Variants in SLC6A13 observed in about 807,000 individuals in gnomAD.
SLC6A13 encodes sodium- and chloride-dependent GABA transporter 2.
A neutral mutation model predicts 72.9 loss-of-function variants in SLC6A13; 69 were observed. The observed-to-expected ratio is 0.95, with a 90% confidence interval of 0.78 to 1.16. The LOEUF (loss-of-function observed/expected upper bound fraction) is 1.16. Ranked by LOEUF, SLC6A13 falls within the 50% of genes most tolerant of loss-of-function variation. SLC6A13 has a pLI of 0.00. For missense variants in SLC6A13, 735 were observed against 760.5 expected (o/e 0.97, Z 0.39); for synonymous variants, 303 against 303.0 (o/e 1.00, Z 0.00).
chr12:233,821 C>T (rs569157551), intron 7 of SLC6A13, among the ~76,000 whole-genome samples: 1 of 152,264 alleles, frequency 6.6e-6, no homozygotes, highest in African/African-American at 2.4e-5. Context: ...GGGACAGTGT[C>T]AGACACCTTA....
Position 223,217 on chromosome 12 carries a change from G to T in SLC6A13, c.1329C>A (p.Phe443Leu). The change falls in exon 12 of 15, where the codon TTC becomes TTA. Residue 443 changes from phenylalanine (F) to leucine (L), a missense_variant. By Grantham distance (22) the Phe-to-Leu change is conservative (BLOSUM62 0). Coordinates refer to ENST00000343164, the MANE Select transcript of SLC6A13 (RefSeq NM_016615.5). ...TGGCCGCATAGTAGTCAAAGAGCTG[G>T]AACACGTACATTCCGCCCTGCATGG... ...IMLTEGGMYV[F>L]QLFDYYAASG... 1 of 1,612,152 alleles carries T rather than the reference G, an allele frequency of 6.2e-7. No individual in the cohort carries two copies. The highest frequency in any genetic ancestry group is 1.1e-5 in the South Asian group (1 of 90,892).
Position 259,984 on chromosome 12 carries a change from C to T in SLC6A13, c.69G>A (p.Lys23=), listed in dbSNP as rs1236955931. 8 of 1,614,114 alleles carry T rather than the reference C, an allele frequency of 5.0e-6. No individual in the cohort carries two copies. The highest frequency in any genetic ancestry group is 6.8e-6 in the Non-Finnish European group (8 of 1,180,038). ...GCTCCAGGGTGCCATCTTCCTCCTT[C>T]TTTTCCATGACTGGATACACTGGTT... ...ETKPVYPVME[K]KEEDGTLERG... Residue 23 remains lysine, a synonymous_variant, in exon 2 of 15, where the codon AAG becomes AAA. Coordinates refer to ENST00000343164, the MANE Select transcript of SLC6A13 (RefSeq NM_016615.5).
Position 224,486 on chromosome 12 carries a change from G to C in SLC6A13, c.1088C>G (p.Pro363Arg), listed in dbSNP as rs143010356. Residue 363 changes from proline (P) to arginine (R), a missense_variant, in exon 10 of 15, where the codon CCG (proline) becomes CGG (arginine). By Grantham distance (103) the Pro-to-Arg change is moderately radical (BLOSUM62 -2). Coordinates refer to ENST00000343164, the MANE Select transcript of SLC6A13 (RefSeq NM_016615.5). ...GAAGGGCAGCATCACCACAGCCCGCGGGTAAGCGATGAAAGCCAGGCCAGG... is the reference window on the plus strand; with the variant it reads ...GAAGGGCAGCATCACCACAGCCCGCCGGTAAGCGATGAAAGCCAGGCCAGG... ...SGPGLAFIAY[P>R]RAVVMLPFSP... The C allele has an allele frequency of 3.1e-6, 5 of 1,614,112 alleles. No individual in the cohort carries two copies. Among genetic ancestry groups the C allele is most frequent in the East Asian group, 2.2e-5 (1 of 44,876 alleles).
chr12:235,551 ATCACC>A (rs1302754641), intron 6 of SLC6A13, among the ~76,000 whole-genome samples: 1 of 152,052 alleles, frequency 6.6e-6, no homozygotes, highest in Non-Finnish European at 1.5e-5. Context: ...GAGGATGTAC[ATCACC>A]TCACCTCAAG....
At position 227,668 on chromosome 12, in the gene SLC6A13, C is replaced by T; in HGVS notation, c.832G>A (p.Val278Met). 6.3e-7 allele frequency: 1 copy of T among 1,599,572 alleles called. No individual in the cohort carries two copies. The highest frequency in any genetic ancestry group is 1.1e-5 in the South Asian group (1 of 88,996). Residue 278 changes from valine to methionine, a missense_variant and splice_region_variant, in exon 8 of 15, where the codon GTG becomes ATG. Physicochemically the swap from Val to Met is conservative, Grantham distance 21. Coordinates refer to ENST00000343164, the MANE Select transcript of SLC6A13 (RefSeq NM_016615.5). ...PNLTRLWDPQ[V>M]WMDAGTQIFF... ...ATCTGGGTGCCTGCATCCATCCACACCTACAAAGGGGAAGGGCAAGAAAGG... is the reference window on the plus strand; with the variant it reads ...ATCTGGGTGCCTGCATCCATCCACATCTACAAAGGGGAAGGGCAAGAAAGG...
chr12:245,156 G>T (rs1345627082), intron 2 of SLC6A13, among the ~76,000 whole-genome samples: 2 of 152,176 alleles, frequency 1.3e-5, no homozygotes, highest in African/African-American at 4.8e-5. Context: ...GTGAGGGAAA[G>T]AACCATTCAA....
chr12:225,887 CT>C (rs1164199706), intron 9 of SLC6A13, among the ~76,000 whole-genome samples: 1 of 152,174 alleles, frequency 6.6e-6, no homozygotes. Context: ...CAAAATAGCA[CT>C]GCATGGTGGA....
At chr12:260,723 T>G (rs772101306) in intron 1 of SLC6A13, among the ~76,000 whole-genome samples, 29 of 152,340 alleles carry the variant, frequency 1.9e-4, no homozygotes, top group Non-Finnish European at 3.8e-4. Flanking sequence ...TCACAATATA[T>G]AGTAAAAAAC....
In SLC6A13 at chr12:235,117, T is replaced by G; in HGVS notation, c.804A>C (p.Pro268=). 1.2e-6 allele frequency: 2 copies of G among 1,614,218 alleles called. No individual in the cohort carries two copies. The highest frequency in any genetic ancestry group is 1.7e-6 in the Non-Finnish European group (2 of 1,180,024). Reference sequence around the variant, plus strand: ...GGGGATCCCACAGACGCGTGAGGTTTGGGTACAGGTAAAACTGAATTCCTT... The same window carrying G: ...GGGGATCCCACAGACGCGTGAGGTTGGGGTACAGGTAAAACTGAATTCCTT... ...AAQGIQFYLY[P]NLTRLWDPQV... is the part of the protein sequence containing the mutation. Residue 268 remains proline, a synonymous_variant, in exon 7 of 15, where the codon CCA becomes CCC. Coordinates refer to ENST00000343164, the MANE Select transcript of SLC6A13 (RefSeq NM_016615.5).
intron 4 of SLC6A13, among the ~76,000 whole-genome samples, chr12:241,257 C>T (rs537597119): frequency 6.6e-6 from 1 of 152,006 alleles, no homozygotes; most frequent in African/African-American, 2.4e-5. Context: ...GAGCCAAGAT[C>T]GCGCCACTGC....
intron 4 of SLC6A13, among the ~76,000 whole-genome samples, chr12:241,537 T>A (rs1211354933): frequency 6.6e-6 from 1 of 152,240 alleles, no homozygotes; most frequent in South Asian, 2.1e-4. Context: ...GTTAAAGTTC[T>A]GTTCCTCAGA....
intron 10 of SLC6A13, 63 bp from the exon 11 acceptor site, chr12:224,192 G>T (rs751514828): frequency 1.3e-6 from 2 of 1,595,426 alleles, no homozygotes; most frequent in Non-Finnish European, 8.6e-7. Context: ...GTCCATGAGC[G>T]CTGGCTTCTC....
Position 241,444 on chromosome 12 carries a change from G to A in SLC6A13, c.478+1170C>T, listed in dbSNP as rs547866233. ...GTGCCAAGAATCCAAGCAGAACAGCGTCCACCGTGCTCTCCAGCCATGCCG... is the reference window on the plus strand; with the variant it reads ...GTGCCAAGAATCCAAGCAGAACAGCATCCACCGTGCTCTCCAGCCATGCCG... On this transcript the variant is annotated intron_variant, in intron 4 of 14. Coordinates refer to ENST00000343164, the MANE Select transcript of SLC6A13 (RefSeq NM_016615.5). 1.8e-4 allele frequency among the ~76,000 whole-genome samples: 27 copies of A among 152,284 alleles called. No homozygotes were observed. The East Asian group carries it at 4.1e-3, about 23-fold the overall frequency.
rs77747027 is a variant in SLC6A13, at chr12:220,699, C to T, written c.*249G>A. The T allele has an allele frequency of 0.053, 24,289 of 455,750 alleles. 916 individuals are homozygous for T. Among genetic ancestry groups the T allele is most frequent in the Non-Finnish European group, 0.07 (17,836 of 253,352 alleles). 28.2% of individuals were successfully genotyped at this position (455,750 alleles called of 1,614,324 possible). A position where few individuals can be genotyped will look rare whatever the true frequency, so the allele number is the denominator to read the frequency against. On this transcript the variant is annotated 3_prime_UTR_variant, in exon 15 of 15. Coordinates refer to ENST00000343164, the MANE Select transcript of SLC6A13 (RefSeq NM_016615.5). ...CAGCAAGTCTCGCCCCACCTACCAG[C>T]CCCCACCCAGCTTCCCAAGGGTCTC...
intron 2 of SLC6A13, among the ~76,000 whole-genome samples, chr12:245,526 A>T (rs1280655262): frequency 6.6e-6 from 1 of 152,148 alleles, no homozygotes; most frequent in Non-Finnish European, 1.5e-5. Flanking sequence ...CTAAAAATAC[A>T]AAAATTAGCC....
chr12:237,654 A>C (rs540508177), intron 5 of SLC6A13, among the ~76,000 whole-genome samples: 7 of 152,220 alleles, frequency 4.6e-5, no homozygotes, highest in Non-Finnish European at 1.5e-5. Context: ...AGGGAGGAGG[A>C]AGTGCGGAGT....
intron 6 of SLC6A13, among the ~76,000 whole-genome samples, chr12:236,053 G>A (rs1460535099): frequency 2.6e-5 from 4 of 152,144 alleles, no homozygotes; most frequent in African/African-American, 7.2e-5. Context: ...AAGACAATAC[G>A]TGCACCGCTG....
chr12:252,106 C>T (rs1470562508), intron 2 of SLC6A13, among the ~76,000 whole-genome samples: 1 of 152,176 alleles, frequency 6.6e-6, no homozygotes, highest in African/African-American at 2.4e-5. Context: ...ACTACTGATA[C>T]ATGAAAACTA....
chr12:237,382 A>G, intron 5 of SLC6A13, 92 bp from the exon 6 acceptor site: 1 of 1,433,520 alleles, frequency 7.0e-7, no homozygotes, highest in Non-Finnish European at 9.6e-7. Flanking sequence ...GCCTGCCTCC[A>G]GGCTCTTGTC....
Sources: allele counts gnomAD v4.1 joint callset (sites outside exome capture counted in the v4.1 genomes callset), GRCh38; gene constraint gnomAD v4.1.1; transcripts MANE v1.5; gene names NCBI Gene and HGNC (gene_info 2026-07-23, HGNC 2026-07-21).